CCNH: variants seen among roughly 807,000 people sequenced by gnomAD.
CCNH encodes the protein cyclin H, also known as cyclin-H.
CCNH carries 31 observed loss-of-function variants against 41.9 expected under a neutral mutation model. The ratio of observed to expected loss-of-function variants is 0.74; its 90% CI spans 0.56 to 1.00. The LOEUF is 1.00. Ranked by LOEUF, CCNH falls within the 50% of genes least tolerant of loss-of-function variation. The probability of loss-of-function intolerance (pLI) is 0.00; values close to 1 mark genes in which losing one functional copy is unlikely to be tolerated. For synonymous variants in CCNH, 138 were observed against 136.1 expected (o/e 1.01, Z -0.10); for missense variants, 362 against 388.4 (o/e 0.93, Z 0.57).
At chr5:87,393,784 C>A (rs1257558740), downstream of CCNH, 1 of 152,164 alleles carries the variant, frequency 6.6e-6, no homozygotes, top group African/African-American at 2.4e-5. Context: ...CATAGCAAGA[C>A]CTTACATCAA....
chr5:87,333,761 T>C (rs1364285202), intron 9 of CCNH, among the ~76,000 whole-genome samples: 2 of 152,194 alleles, frequency 1.3e-5, no homozygotes, highest in East Asian at 1.9e-4. Context: ...TTTATTTCTA[T>C]ATAATTATAT....
At chr5:87,395,536 A>G (rs943918319) in intron 7 of CCNH, among the ~76,000 whole-genome samples, 4 of 152,166 alleles carry the variant, frequency 2.6e-5, no homozygotes, top group African/African-American at 7.2e-5. Flanking sequence ...TTAATGTGTG[A>G]TAAGAAGTGT....
chr5:87,396,816 A>G (rs922864631), intron 7 of CCNH, among the ~76,000 whole-genome samples: 6 of 152,226 alleles, frequency 3.9e-5, no homozygotes, highest in African/African-American at 1.4e-4. Flanking sequence ...CCATTGTACA[A>G]TATGTATGAA....
At chr5:87,326,198 C>T (rs1354405731) in intron 9 of CCNH, among the ~76,000 whole-genome samples, 1 of 152,148 alleles carries the variant, frequency 6.6e-6, no homozygotes, top group Non-Finnish European at 1.5e-5. Flanking sequence ...TCATGAACTC[C>T]TGGGTTCCAG....
downstream of CCNH, chr5:87,394,147 C>A: frequency 1.6e-6 from 1 of 642,964 alleles, no homozygotes; most frequent in Non-Finnish European, 2.0e-6. Flanking sequence ...TTTTGTGGTG[C>A]CTTTTTTAAA....
At chr5:87,394,988 C>G (rs777104756) in intron 8 of CCNH, 56 bp downstream of exon 8, 2 of 1,610,952 alleles carry the variant, frequency 1.2e-6, no homozygotes, top group Admixed American at 3.4e-5. Flanking sequence ...ACAGTATAGT[C>G]ACACCAGAAT....
At chr5:87,411,101 C>A in intron 2 of CCNH, 123 bp downstream of exon 2, 1 of 982,094 alleles carries the variant, frequency 1.0e-6, no homozygotes, top group South Asian at 2.3e-5. Context: ...ATATAATGTG[C>A]CAAAAACTAA....
At chr5:87,355,240 GT>G (rs1373383796) in intron 9 of CCNH, among the ~76,000 whole-genome samples, 2 of 152,182 alleles carry the variant, frequency 1.3e-5, no homozygotes, top group Non-Finnish European at 2.9e-5. Context: ...CATGGCAAGA[GT>G]TAATGCTTGG....
chr5:87,319,094 A>G (rs1040060901), intron 9 of CCNH, among the ~76,000 whole-genome samples: 1 of 152,232 alleles, frequency 6.6e-6, no homozygotes, highest in Non-Finnish European at 1.5e-5. Flanking sequence ...CATCCAGGGC[A>G]CGCTGATGCA....
intron 9 of CCNH, among the ~76,000 whole-genome samples, chr5:87,332,206 T>C (rs934476231): frequency 1.3e-5 from 2 of 151,956 alleles, no homozygotes; most frequent in African/African-American, 4.8e-5. Flanking sequence ...AATTCAGCCT[T>C]AAATATGGAA....
downstream of CCNH, among the ~76,000 whole-genome samples, chr5:87,317,082 C>T (rs892945162): frequency 6.6e-6 from 1 of 152,048 alleles, no homozygotes; most frequent in Non-Finnish European, 1.5e-5. Flanking sequence ...GGGGTTTTAC[C>T]TTGTTGGCCA....
chr5:87,410,606 A>G (rs1232635285), intron 2 of CCNH, among the ~76,000 whole-genome samples: 1 of 152,196 alleles, frequency 6.6e-6, no homozygotes, highest in Non-Finnish European at 1.5e-5. Context: ...CAGTGAGAGA[A>G]TAACGTAACA....
intron 9 of CCNH, among the ~76,000 whole-genome samples, chr5:87,325,942 T>C (rs1757198237): frequency 6.6e-6 from 1 of 152,146 alleles, no homozygotes; most frequent in Non-Finnish European, 1.5e-5. Flanking sequence ...CCTTCGGATG[T>C]GTTCCAGCAA....
chr5:87,357,237 AAT>A (rs978992549), intron 9 of CCNH, among the ~76,000 whole-genome samples: 1 of 151,832 alleles, frequency 6.6e-6, no homozygotes, highest in African/African-American at 2.4e-5. Context: ...CACATATATA[AAT>A]ATATATATGT....
At chr5:87,406,637 CAAA>C (rs202152269) in intron 4 of CCNH, among the ~76,000 whole-genome samples, 1 of 138,224 alleles carries the variant, frequency 7.2e-6, no homozygotes, top group Admixed American at 7.2e-5. Flanking sequence ...ATTGCAAAAT[CAAA>C]AAAAAAAAAA....
At chr5:87,354,596 T>A (rs1225744574) in intron 9 of CCNH, among the ~76,000 whole-genome samples, 1 of 152,124 alleles carries the variant, frequency 6.6e-6, no homozygotes, top group Non-Finnish European at 1.5e-5. Flanking sequence ...CACAACACTA[T>A]TAAAATTGGG....
At chr5:87,380,645 T>C (rs752210232), upstream of CCNH, 1 of 1,447,616 alleles carries the variant, frequency 6.9e-7, no homozygotes, top group Admixed American at 1.7e-5. Flanking sequence ...AGGTGGATAA[T>C]TGTGAAAAAT....
intron 9 of CCNH, among the ~76,000 whole-genome samples, chr5:87,327,826 G>A (rs1190524355): frequency 6.6e-6 from 1 of 152,048 alleles, no homozygotes; most frequent in Non-Finnish European, 1.5e-5. Context: ...TTAGCCGGAT[G>A]TGGTGGCACA....
chr5:87,374,956 G>A (rs373888930), downstream of CCNH: 65 of 1,578,708 alleles, frequency 4.1e-5, no homozygotes, highest in African/African-American at 8.4e-4. Flanking sequence ...GAAAAAGCAT[G>A]TTTTATATAC....
Sources: allele counts gnomAD v4.1 joint callset (sites outside exome capture counted in the v4.1 genomes callset), GRCh38; gene constraint gnomAD v4.1.1; transcripts MANE v1.5; gene names NCBI Gene and HGNC (gene_info 2026-07-23, HGNC 2026-07-21).